ANO4: variants seen among roughly 807,000 people sequenced by gnomAD.
ANO4 encodes anoctamin-4.
A neutral mutation model predicts 141.9 loss-of-function variants in ANO4; 69 were observed. The observed-to-expected ratio is 0.49, with a 90% CI of 0.40 to 0.59. The LOEUF (loss-of-function observed/expected upper bound fraction) is 0.59, where lower values mean the gene tolerates loss of function less well. Ranked by LOEUF, ANO4 falls within the 20% of genes least tolerant of loss-of-function variation. ANO4 has a pLI of 0.00. For missense variants in ANO4, 894 were observed against 1,162.2 expected, an observed-to-expected ratio of 0.77 and a Z score of 3.36; for synonymous variants, 350 against 394.3, an observed-to-expected ratio of 0.89 and a Z score of 1.33.
chr12:100,994,468 A>G (rs2045279631), intron 8 of ANO4, among the ~76,000 whole-genome samples: 1 of 152,228 alleles, frequency 6.6e-6, no homozygotes, highest in East Asian at 1.9e-4. Context: ...GAAATATGCA[A>G]GAAGAGTCGT....
intron 2 of ANO4, among the ~76,000 whole-genome samples, chr12:100,919,427 G>T (rs2041503261): frequency 6.6e-6 from 1 of 151,938 alleles, no homozygotes. Flanking sequence ...CCCTTTCTTT[G>T]TTTAGGTATT....
chr12:100,813,119 G>A (rs996505246), intron 1 of ANO4, among the ~76,000 whole-genome samples: 3 of 152,194 alleles, frequency 2.0e-5, no homozygotes, highest in African/African-American at 7.2e-5. Context: ...TGGCGTCCTA[G>A]CAGTGTCAAA....
At chr12:100,887,564 T>A (rs929045610) in intron 1 of ANO4, among the ~76,000 whole-genome samples, 2 of 152,096 alleles carry the variant, frequency 1.3e-5, no homozygotes, top group African/African-American at 4.8e-5. Flanking sequence ...TGATGTCATG[T>A]CCTCCTGCGA....
intron 1 of ANO4, among the ~76,000 whole-genome samples, chr12:100,867,895 A>G (rs2038837304): frequency 6.6e-6 from 1 of 152,162 alleles, no homozygotes; most frequent in Admixed American, 6.5e-5. Flanking sequence ...CCCTCATGCA[A>G]TGAATCAGTA....
intron 8 of ANO4, among the ~76,000 whole-genome samples, chr12:100,989,613 G>A (rs1592941862): frequency 1.1e-5 from 1 of 92,720 alleles, no homozygotes; most frequent in African/African-American, 3.4e-5. Context: ...GTCACTGGAT[G>A]GATGGATAGA....
chr12:101,015,067 C>T (rs1469385789), intron 8 of ANO4, among the ~76,000 whole-genome samples: 1 of 151,290 alleles, frequency 6.6e-6, no homozygotes, highest in African/African-American at 2.4e-5. Flanking sequence ...AAGCGGTCCT[C>T]CTGCATTTGC....
chr12:100,722,455 G>A (rs1056804688), intron 1 of ANO4, among the ~76,000 whole-genome samples: 1 of 152,112 alleles, frequency 6.6e-6, no homozygotes, highest in Non-Finnish European at 1.5e-5. Context: ...CCCTCTGGGC[G>A]GGAGGTTGTT....
chr12:100,944,343 T>C (rs796370785), intron 5 of ANO4, among the ~76,000 whole-genome samples: 21 of 151,946 alleles, frequency 1.4e-4, no homozygotes, highest in African/African-American at 5.1e-4. Context: ...CGATTTTGTC[T>C]ATATACAAGA....
chr12:100,993,085 A>G (rs2045214080), intron 8 of ANO4, among the ~76,000 whole-genome samples: 1 of 152,102 alleles, frequency 6.6e-6, no homozygotes, highest in Non-Finnish European at 1.5e-5. Context: ...GCTACTTGGG[A>G]GGTTGAGCTG....
intron 3 of ANO4, among the ~76,000 whole-genome samples, chr12:100,745,423 A>G (rs1282311206): frequency 6.6e-6 from 1 of 152,218 alleles, no homozygotes; most frequent in Non-Finnish European, 1.5e-5. Context: ...TCATATGGCT[A>G]CCATAATAGA....
intron 14 of ANO4, among the ~76,000 whole-genome samples, chr12:101,060,213 G>A (rs926576487): frequency 7.9e-5 from 12 of 152,196 alleles, no homozygotes; most frequent in Non-Finnish European, 1.2e-4. Context: ...TTAATCCTGA[G>A]TTCTAATTTG....
intron 14 of ANO4, among the ~76,000 whole-genome samples, chr12:101,064,437 T>A (rs1397855006): frequency 1.3e-5 from 2 of 152,076 alleles, no homozygotes; most frequent in African/African-American, 4.8e-5. Context: ...TCTTGGAAAA[T>A]GTTCCAAGTA....
At chr12:100,846,624 T>G (rs2037572677) in intron 1 of ANO4, among the ~76,000 whole-genome samples, 1 of 152,156 alleles carries the variant, frequency 6.6e-6, no homozygotes, top group African/African-American at 2.4e-5. Flanking sequence ...GCACTTAATT[T>G]TTATGCTCTA....
chr12:100,782,829 C>T (rs780797850), intron 3 of ANO4, among the ~76,000 whole-genome samples: 32 of 152,164 alleles, frequency 2.1e-4, no homozygotes, highest in Admixed American at 1.6e-3. Flanking sequence ...CTCTTTCCCA[C>T]GAAGCAGTCA....
chr12:100,795,431 G>A (rs1028693513), intron 1 of ANO4, among the ~76,000 whole-genome samples: 19 of 152,190 alleles, frequency 1.2e-4, no homozygotes, highest in Admixed American at 4.6e-4. Context: ...TGCCCACATA[G>A]CAAACTCTTC....
chr12:101,086,727 C>T lies in ANO4; in HGVS notation c.1604C>T (p.Ala535Val). 1 of 1,613,878 alleles carries T rather than the reference C, an allele frequency of 6.2e-7. No homozygotes were observed. The highest frequency in any genetic ancestry group is 8.5e-7 in the Non-Finnish European group (1 of 1,179,826). ...IYRVVTVSTF[A>V]AFKWALIRNN... ...CGGGTGGTGACTGTCAGCACTTTCG[C>T]TGCCTTTAAGTGGGCGTTAATCAGG... The change falls in exon 17 of 28, where the codon GCT becomes GTT. Residue 535 changes from alanine to valine, a missense_variant. Coordinates refer to ENST00000392977, the MANE Select transcript of ANO4 (RefSeq NM_001286615.2).
In ANO4 at chr12:101,096,152, TG is replaced by T. The variant is rs1360019524; in HGVS notation, c.1739-381del. Among the ~76,000 whole-genome samples the T allele has an allele frequency of 2.0e-5, 3 of 152,152 alleles. No individual in the cohort carries two copies. The East Asian group carries it at 5.8e-4, about 29-fold the overall frequency. On this transcript the variant is annotated intron_variant, in intron 18 of 27. Transcript: ENST00000392977. ...TTGAGACCAAGGAACTCTTTGGAGC[TG>T]GGAGGAACTAAGCCTGCATAGATTA...
chr12:100,938,957 A>G (rs1269994738), intron 3 of ANO4, among the ~76,000 whole-genome samples: 2 of 152,208 alleles, frequency 1.3e-5, no homozygotes, highest in Non-Finnish European at 2.9e-5. Flanking sequence ...AGTATAGGTC[A>G]TCTCCAACCC....
chr12:101,038,483 A>G (rs1324395982), intron 10 of ANO4: 1 of 152,212 alleles, frequency 6.6e-6, no homozygotes, highest in Non-Finnish European at 1.5e-5. Flanking sequence ...GCCTTTCACA[A>G]TGACTTTCCT....
Sources: gnomAD v4.1 joint callset for allele counts (sites outside exome capture counted in the v4.1 genomes callset) on GRCh38, gnomAD v4.1.1 for gene constraint, MANE v1.5 for transcripts, NCBI Gene and HGNC (gene_info 2026-07-23, HGNC 2026-07-21) for gene names.